The following TPO variants were observed in gnomAD, a reference collection of about 807,000 sequenced individuals.
TPO encodes thyroid peroxidase, also known as thyroid microsomal antigen.
TPO carries 78 observed loss-of-function variants against 96.9 expected under a neutral mutation model. The ratio of observed to expected loss-of-function variants is 0.81; its 90% CI spans 0.67 to 0.97. TPO has a LOEUF of 0.97. Among genes scored for constraint, TPO ranks in the 50% least tolerant of loss-of-function variants. TPO has a pLI of 0.00. For synonymous variants in TPO, 547 were observed against 538.0 expected (o/e 1.02, Z -0.23); for missense variants, 1,252 against 1,274.8 (o/e 0.98, Z 0.27).
chr2:1,464,346 CG>C (rs1194501995), intron 7 of TPO, among the ~76,000 whole-genome samples: 3 of 152,156 alleles, frequency 2.0e-5, no homozygotes, highest in African/African-American at 7.2e-5. Flanking sequence ...GTGAATTGTG[CG>C]GCTATAAACA....
At chr2:1,442,591 C>T (rs1256642436) in intron 5 of TPO, among the ~76,000 whole-genome samples, 1 of 152,198 alleles carries the variant, frequency 6.6e-6, no homozygotes, top group Non-Finnish European at 1.5e-5. Context: ...AAGAACTTCT[C>T]TGTGTGTTCT....
intron 1 of TPO, among the ~76,000 whole-genome samples, chr2:1,401,515 G>A (rs1573061394): frequency 2.6e-5 from 4 of 152,170 alleles, no homozygotes; most frequent in East Asian, 1.9e-4. Context: ...TCCTCCCAGC[G>A]AGAATGCTGA....
chr2:1,381,992 A>C (rs954331408), intron 1 of TPO, among the ~76,000 whole-genome samples: 1 of 152,162 alleles, frequency 6.6e-6, no homozygotes, highest in African/African-American at 2.4e-5. Context: ...TTTCATGAGG[A>C]TGGGAAGATG....
intron 1 of TPO, among the ~76,000 whole-genome samples, chr2:1,379,503 G>T (rs1192386519): frequency 1.3e-5 from 2 of 152,070 alleles, no homozygotes; most frequent in Non-Finnish European, 2.9e-5. Flanking sequence ...GAATGCAGAG[G>T]GGTTCACCAT....
intron 5 of TPO, among the ~76,000 whole-genome samples, chr2:1,442,149 G>A (rs1273661497): frequency 6.6e-6 from 1 of 152,166 alleles, no homozygotes; most frequent in Non-Finnish European, 1.5e-5. Context: ...GGAATCGTAA[G>A]TCCATTAAAC....
rs541354749 is a variant in TPO at position 1,397,002 on chromosome 2, T to C, written n.180+22600T>C. On this transcript the variant is annotated intron_variant and non_coding_transcript_variant, in intron 1 of 5. Transcript: ENST00000497517. ...ATTCAAATAATGTGTATTTTCCAAA[T>C]GAGACTTGCTATCCGTTCCAGACCC... Among the ~76,000 whole-genome samples, 3 of 151,760 alleles carry C rather than the reference T, an allele frequency of 2.0e-5. No individual in the cohort carries two copies. In the South Asian group the frequency reaches 6.4e-4, roughly 32 times the overall value.
intron 8 of TPO, among the ~76,000 whole-genome samples, chr2:1,482,743 T>C (rs958738082): frequency 2.6e-5 from 4 of 152,186 alleles, no homozygotes; most frequent in East Asian, 1.9e-4. Flanking sequence ...GGTACAATCA[T>C]AGCTCACTGC....
At chr2:1,460,562 A>G (rs111980760) in intron 7 of TPO, among the ~76,000 whole-genome samples, 61 of 152,282 alleles carry the variant, frequency 4.0e-4, no homozygotes, top group South Asian at 1.9e-3. Flanking sequence ...TATTAGCTGC[A>G]TGTATATAGG....
intron 5 of TPO, among the ~76,000 whole-genome samples, chr2:1,450,264 C>A (rs552476230): frequency 1.3e-5 from 2 of 152,284 alleles, no homozygotes; most frequent in East Asian, 1.9e-4. Context: ...CTGTGTCTTG[C>A]GGCCTCAGTC....
At chr2:1,533,434 C>G (rs1256547549) in intron 15 of TPO, among the ~76,000 whole-genome samples, 11 of 113,572 alleles carry the variant, frequency 9.7e-5, no homozygotes, top group Non-Finnish European at 1.4e-4. Flanking sequence ...TGTGTGCAAC[C>G]TCCCGAAATC....
chr2:1,392,351 A>G (rs769697824), intron 1 of TPO, among the ~76,000 whole-genome samples: 2 of 152,192 alleles, frequency 1.3e-5, no homozygotes, highest in Non-Finnish European at 2.9e-5. Context: ...CCAGGGATGA[A>G]GCCAACCTAA....
chr2:1,496,709 G>C lies in TPO; in HGVS notation c.2330G>C (p.Arg777Pro). The part of the protein sequence containing the change: ...SCRHGYELQG[R>P]EQLTCTQEGW... ...CGGCACGGGTATGAGCTCCAAGGCCGGGAGCAGCTCACTTGCACCCAGGAA... is the reference window on the plus strand; with the variant it reads ...CGGCACGGGTATGAGCTCCAAGGCCCGGAGCAGCTCACTTGCACCCAGGAA... The change falls in exon 13 of 17, where the codon CGG becomes CCG. Residue 777 changes from arginine to proline, a missense_variant. Arg to Pro is a moderately radical substitution (Grantham distance 103). Coordinates refer to ENST00000329066, the MANE Select transcript of TPO (RefSeq NM_001206744.2). 1 of 1,614,106 alleles carries C rather than the reference G, an allele frequency of 6.2e-7. No individual in the cohort carries two copies. Among genetic ancestry groups the C allele is most frequent in the Non-Finnish European group, 8.5e-7 (1 of 1,180,040 alleles).
At chr2:1,494,690 T>G (rs1672154126) in intron 11 of TPO, among the ~76,000 whole-genome samples, 1 of 152,230 alleles carries the variant, frequency 6.6e-6, no homozygotes, top group Admixed American at 6.5e-5. Context: ...TGTTAGGATT[T>G]TGGAACAACA....
intron 7 of TPO, among the ~76,000 whole-genome samples, chr2:1,473,318 C>A (rs1669608221): frequency 6.6e-6 from 1 of 152,260 alleles, no homozygotes; most frequent in South Asian, 2.1e-4. Context: ...TTCTGCCCTC[C>A]TTCTCCCCAC....
At chr2:1,492,236 C>A (rs1157157548) in intron 10 of TPO, among the ~76,000 whole-genome samples, 1 of 152,242 alleles carries the variant, frequency 6.6e-6, no homozygotes, top group Admixed American at 6.5e-5. Context: ...CTCACGGCAA[C>A]CTCCGTCTCC....
chr2:1,426,416 A>C (rs1366397740), intron 3 of TPO, among the ~76,000 whole-genome samples: 1 of 152,150 alleles, frequency 6.6e-6, no homozygotes, highest in Admixed American at 6.5e-5. Context: ...TGATCATTTC[A>C]TATCCTCAGA....
intron 9 of TPO, among the ~76,000 whole-genome samples, chr2:1,486,591 T>C (rs1369034212): frequency 2.0e-5 from 3 of 152,196 alleles, no homozygotes; most frequent in Non-Finnish European, 2.9e-5. Flanking sequence ...ATAGTTATGA[T>C]CAGCACCATC....
Position 1,399,208 on chromosome 2 carries a change from C to G in TPO, n.180+24806C>G, listed in dbSNP as rs536047259. Among the ~76,000 whole-genome samples, 23 of 152,342 alleles carry G rather than the reference C, an allele frequency of 1.5e-4. No individual in the cohort carries two copies. In the Middle Eastern group the frequency reaches 0.01, roughly 68 times the overall value. ...GAGTCCTCATGAAATGTCCAGCCCC[C>G]CCGAGGGAGGCAGAGCCACGTGCTC... On this transcript the variant is annotated intron_variant and non_coding_transcript_variant, in intron 1 of 5. Transcript: ENST00000497517.
At chr2:1,535,934 C>G (rs1679543894) in intron 15 of TPO, among the ~76,000 whole-genome samples, 1 of 53,894 alleles carries the variant, frequency 1.9e-5, no homozygotes. Context: ...CTCCCCAAAT[C>G]CCCCACACTA....
Sources: allele counts gnomAD v4.1 joint callset (sites outside exome capture counted in the v4.1 genomes callset), GRCh38; gene constraint gnomAD v4.1.1; transcripts MANE v1.5; gene names NCBI Gene and HGNC (gene_info 2026-07-23, HGNC 2026-07-21).